KIZ: variants seen among roughly 807,000 people sequenced by gnomAD.
KIZ encodes kizuna centrosomal protein.
A neutral mutation model predicts 79.6 loss-of-function variants in KIZ; 68 were observed. That is an observed-to-expected ratio of 0.85 (90% confidence interval 0.70 to 1.05). The LOEUF (loss-of-function observed/expected upper bound fraction) is 1.05, where lower values mean the gene tolerates loss of function less well. KIZ is among the 50% of genes least tolerant of loss of function. The pLI is 0.00. For missense variants in KIZ, 797 were observed against 800.4 expected, an observed-to-expected ratio of 1.00 and a Z score of 0.05; for synonymous variants, 280 against 281.8, an observed-to-expected ratio of 0.99 and a Z score of 0.06.
At chr20:21,128,879 T>C (rs567727530) in intron 1 of KIZ, among the ~76,000 whole-genome samples, 5 of 152,286 alleles carry the variant, frequency 3.3e-5, no homozygotes, top group African/African-American at 1.2e-4. Context: ...GAAGATGGTA[T>C]AGAATTGTGG....
At chr20:21,140,560 G>A (rs1258428849) in intron 3 of KIZ, among the ~76,000 whole-genome samples, 1 of 152,114 alleles carries the variant, frequency 6.6e-6, no homozygotes, top group Non-Finnish European at 1.5e-5. Flanking sequence ...TTATTTGGAG[G>A]CCTATAATAA....
At chr20:21,182,386 A>G (rs1409693482) in intron 6 of KIZ, among the ~76,000 whole-genome samples, 1 of 152,210 alleles carries the variant, frequency 6.6e-6, no homozygotes, top group Admixed American at 6.5e-5. Context: ...AAAGTATTCA[A>G]TAGACTTCCC....
At chr20:21,148,592 A>T (rs906608444) in intron 4 of KIZ, 10 of 152,074 alleles carry the variant, frequency 6.6e-5, no homozygotes, top group African/African-American at 2.2e-4. Flanking sequence ...ATATATTGTT[A>T]TTTTTTATTT....
chr20:21,180,761 TAG>T (rs1206002449), intron 6 of KIZ, among the ~76,000 whole-genome samples: 3 of 152,132 alleles, frequency 2.0e-5, no homozygotes, highest in African/African-American at 7.2e-5. Context: ...AGGCCAGGTA[TAG>T]GTACTCCAGT....
chr20:21,174,958 A>G (rs1321336177), intron 6 of KIZ, among the ~76,000 whole-genome samples: 4 of 152,250 alleles, frequency 2.6e-5, no homozygotes, highest in Non-Finnish European at 5.9e-5. Context: ...TTAGAAATTC[A>G]GCATTCCTTC....
chr20:21,164,766 G>A (rs2033852064), intron 6 of KIZ, among the ~76,000 whole-genome samples: 2 of 151,132 alleles, frequency 1.3e-5, no homozygotes, highest in African/African-American at 4.9e-5. Flanking sequence ...TTGGAGTTTT[G>A]GCATATAGTT....
Position 21,126,141 on chromosome 20 carries a change from T to C in KIZ, c.26T>C (p.Val9Ala). Residue 9 changes from valine to alanine, a missense_variant, in exon 1 of 13, where the codon GTG becomes GCG. Coordinates refer to ENST00000619189, the MANE Select transcript of KIZ (RefSeq NM_018474.6). MSRTLASA[V>A]PLSSPDYYER... ...ATGAGCCGGACCCTCGCATCGGCCGTGCCCCTGTCGAGTCCCGACTACTAC... is the reference window on the plus strand; with the variant it reads ...ATGAGCCGGACCCTCGCATCGGCCGCGCCCCTGTCGAGTCCCGACTACTAC... The C allele has an allele frequency of 1.3e-6, 2 of 1,515,142 alleles. No individual in the cohort carries two copies. 93.9% of individuals were successfully genotyped at this position (1,515,142 alleles called of 1,614,324 possible). A position where few individuals can be genotyped will look rare whatever the true frequency, so the allele number is the denominator to read the frequency against.
At chr20:21,152,010 C>A (rs1490594611) in intron 4 of KIZ, among the ~76,000 whole-genome samples, 2 of 152,158 alleles carry the variant, frequency 1.3e-5, no homozygotes, top group Non-Finnish European at 2.9e-5. Flanking sequence ...CCAGTGCATT[C>A]CTCATGATCT....
intron 3 of KIZ, among the ~76,000 whole-genome samples, chr20:21,141,486 A>G (rs2032525695): frequency 6.6e-6 from 1 of 152,176 alleles, no homozygotes; most frequent in Non-Finnish European, 1.5e-5. Context: ...AACACTCTCC[A>G]GAGCAGCCTT....
At chr20:21,146,465 A>G (rs1228629899) in intron 4 of KIZ, among the ~76,000 whole-genome samples, 3 of 152,250 alleles carry the variant, frequency 2.0e-5, no homozygotes, top group Admixed American at 2.0e-4. Context: ...TATGATTTTC[A>G]TATTTAATGC....
At chr20:21,174,105 A>G (rs572492933) in intron 6 of KIZ, among the ~76,000 whole-genome samples, 1 of 152,304 alleles carries the variant, frequency 6.6e-6, no homozygotes, top group East Asian at 1.9e-4. Context: ...GAAAGCTTAA[A>G]TAACCTGCTC....
At chr20:21,191,123 C>T (rs2035085874) in intron 6 of KIZ, among the ~76,000 whole-genome samples, 1 of 152,188 alleles carries the variant, frequency 6.6e-6, no homozygotes, top group South Asian at 2.1e-4. Context: ...ACCACCTTAT[C>T]ACCACTTCCA....
intron 6 of KIZ, among the ~76,000 whole-genome samples, chr20:21,202,055 G>A (rs2035620491): frequency 1.3e-5 from 2 of 152,118 alleles, no homozygotes; most frequent in Admixed American, 1.3e-4. Context: ...CCTTTTGTGG[G>A]AAATAAATAT....
At chr20:21,218,166 A>G (rs2036370895) in intron 9 of KIZ, 1 of 152,240 alleles carries the variant, frequency 6.6e-6, no homozygotes, top group Non-Finnish European at 1.5e-5. Context: ...AAGGAATCTC[A>G]AGAAGAGTTT....
rs535666059 is a variant in KIZ, at chr20:21,169,022, G to A, written c.1352+5863G>A. 3.1e-3 allele frequency among the ~76,000 whole-genome samples: 472 copies of A among 152,200 alleles called. 5 individuals are homozygous for A. Among genetic ancestry groups the A allele is most frequent in the African/African-American group, 0.011 (452 of 41,514 alleles). ...CAATACCATTCAGGCCATAGGCATGGGCAAGGACTTCATGTCTAAAACACC... is the reference window on the plus strand; with the variant it reads ...CAATACCATTCAGGCCATAGGCATGAGCAAGGACTTCATGTCTAAAACACC... On this transcript the variant is annotated intron_variant, in intron 6 of 12. Transcript: ENST00000619189.
intron 11 of KIZ, among the ~76,000 whole-genome samples, chr20:21,234,621 T>C (rs1338647068): frequency 6.6e-6 from 1 of 152,130 alleles, no homozygotes; most frequent in Admixed American, 6.5e-5. Context: ...TTGTGCTTTA[T>C]TGCTTTTACA....
intron 3 of KIZ, among the ~76,000 whole-genome samples, chr20:21,142,068 C>G (rs1299172606): frequency 1.3e-5 from 2 of 151,656 alleles, no homozygotes; most frequent in Non-Finnish European, 2.9e-5. Flanking sequence ...CTCTCTACAT[C>G]TTTATCTCCC....
intron 4 of KIZ, chr20:21,150,987 C>T (rs1349371413): frequency 2.0e-5 from 3 of 152,176 alleles, no homozygotes; most frequent in African/African-American, 7.2e-5. Flanking sequence ...GAGTGTGGCT[C>T]TGATGGACAG....
chr20:21,231,211 C>T (rs2036821270), intron 10 of KIZ, among the ~76,000 whole-genome samples: 1 of 152,074 alleles, frequency 6.6e-6, no homozygotes, highest in South Asian at 2.1e-4. Flanking sequence ...GGCGCCTCAG[C>T]TACTCAGGAG....
Sources: allele counts gnomAD v4.1 joint callset (sites outside exome capture counted in the v4.1 genomes callset), GRCh38; gene constraint gnomAD v4.1.1; transcripts MANE v1.5; gene names NCBI Gene and HGNC (gene_info 2026-07-23, HGNC 2026-07-21).